The following HSD17B12 variants were observed in gnomAD, a reference collection of about 807,000 sequenced individuals.
The protein encoded by HSD17B12 is hydroxysteroid 17-beta dehydrogenase 12.
Under a neutral mutation model 39.3 loss-of-function variants are expected in HSD17B12, and 32 were observed. The observed-to-expected ratio is 0.81, with a 90% CI of 0.61 to 1.09. The LOEUF is 1.09. HSD17B12 is among the 50% of genes least tolerant of loss of function. The pLI, the probability that HSD17B12 is intolerant of heterozygous loss-of-function variation, is 0.00. For missense variants in HSD17B12, 342 were observed against 382.9 expected (o/e 0.89, Z 0.89); for synonymous variants, 150 against 146.7 (o/e 1.02, Z -0.16).
At chr11:43,727,738 CACA>C (rs750227430) in intron 1 of HSD17B12, among the ~76,000 whole-genome samples, 45 of 152,230 alleles carry the variant, frequency 3.0e-4, no homozygotes, top group Admixed American at 5.2e-4. Context: ...AGGAAAAAAA[CACA>C]ACAATTCACC....
chr11:43,759,102 C>G (rs540675002), intron 3 of HSD17B12, among the ~76,000 whole-genome samples: 76 of 152,240 alleles, frequency 5.0e-4, no homozygotes, highest in Middle Eastern at 3.4e-3. Flanking sequence ...TTGAACTCAT[C>G]GTTCTTACTT....
At chr11:43,754,258 A>G in intron 3 of HSD17B12, 137 bp downstream of exon 3, 1 of 641,604 alleles carries the variant, frequency 1.6e-6, no homozygotes. Flanking sequence ...ATGAAAAAGC[A>G]CAGGATGCTT....
the HSD17B12 span, among the ~76,000 whole-genome samples, chr11:43,655,592 T>C: frequency 1.3e-4 from 20 of 152,324 alleles, no homozygotes; most frequent in African/African-American, 4.6e-4. Context: ...CAATACCTAA[T>C]TTATTGAGAG....
At chr11:43,754,838 T>C in intron 3 of HSD17B12, 1 of 760,394 alleles carries the variant, frequency 1.3e-6, no homozygotes, top group Non-Finnish European at 2.4e-6. Flanking sequence ...GCAATACCCA[T>C]GTGACAGGGA....
chr11:43,690,402 ATATT>A (rs1445951249), intron 1 of HSD17B12, among the ~76,000 whole-genome samples: 2 of 26,218 alleles, frequency 7.6e-5, no homozygotes, highest in Non-Finnish European at 1.2e-4. Context: ...ATATATATAT[ATATT>A]TTTTTTTTTT....
chr11:43,603,532 AC>A, the HSD17B12 span, among the ~76,000 whole-genome samples: 1 of 152,222 alleles, frequency 6.6e-6, no homozygotes, highest in Non-Finnish European at 1.5e-5. Context: ...GCAGAAGGAG[AC>A]ATGTATGTGC....
At chr11:43,742,139 A>ATATATATTT (rs61178234) in intron 1 of HSD17B12, among the ~76,000 whole-genome samples, 7 of 123,488 alleles carry the variant, frequency 5.7e-5, no homozygotes, top group African/African-American at 1.2e-4. Flanking sequence ...ATATATATAT[A>ATATATATTT]TTTTTTTTTT....
the HSD17B12 span, among the ~76,000 whole-genome samples, chr11:43,643,890 T>A: frequency 6.6e-6 from 1 of 152,160 alleles, no homozygotes; most frequent in African/African-American, 2.4e-5. Flanking sequence ...AAGGGGAAGA[T>A]TAATTGAAGT....
the HSD17B12 span, among the ~76,000 whole-genome samples, chr11:43,646,775 C>A: frequency 6.6e-6 from 1 of 152,256 alleles, no homozygotes; most frequent in East Asian, 1.9e-4. Context: ...GGTATTTAAT[C>A]ATTTATTTGG....
the HSD17B12 span, among the ~76,000 whole-genome samples, chr11:43,560,993 C>G: frequency 6.6e-6 from 1 of 152,206 alleles, no homozygotes; most frequent in Non-Finnish European, 1.5e-5. Context: ...AAGTCCCACT[C>G]TGTGAAAATC....
intron 9 of HSD17B12, among the ~76,000 whole-genome samples, chr11:43,845,463 C>T (rs1326196575): frequency 3.3e-5 from 3 of 89,882 alleles, no homozygotes; most frequent in Non-Finnish European, 8.6e-5. Context: ...ATTTAGTTGT[C>T]CTGTCTCTTT....
chr11:43,560,247 C>G, the HSD17B12 span, among the ~76,000 whole-genome samples: 1 of 152,130 alleles, frequency 6.6e-6, no homozygotes, highest in African/African-American at 2.4e-5. Flanking sequence ...GAGATGCTGA[C>G]AAAATGAACT....
chr11:43,799,508 GA>G (rs1379057145), intron 4 of HSD17B12, among the ~76,000 whole-genome samples: 6 of 151,572 alleles, frequency 4.0e-5, no homozygotes, highest in African/African-American at 1.2e-4. Context: ...AATTGTATAG[GA>G]AAAAAAATGG....
At position 43,815,486 on chromosome 11, in the gene HSD17B12, T is replaced by G; in HGVS notation, c.441T>G (p.Val147=). ...SYEYPEYFLD[V]PDLDNVIKKM... ...AGTATCCTGAATACTTTTTGGATGT[T>G]CCTGACTTGGACAATGTAAGTCTTT... Residue 147 remains valine (V), a synonymous_variant, in exon 5 of 11, where the codon GTT becomes GTG. Transcript: ENST00000278353. 1 of 1,576,276 alleles carries G rather than the reference T, an allele frequency of 6.3e-7. No homozygotes were observed. The highest frequency in any genetic ancestry group is 8.7e-7 in the Non-Finnish European group (1 of 1,153,570).
chr11:43,583,886 C>T, the HSD17B12 span, among the ~76,000 whole-genome samples: 1 of 152,054 alleles, frequency 6.6e-6, no homozygotes, highest in Non-Finnish European at 1.5e-5. Context: ...GAGAAGTGTT[C>T]GGAAGGCAGC....
At chr11:43,708,934 A>G (rs969101791) in intron 1 of HSD17B12, among the ~76,000 whole-genome samples, 7 of 152,254 alleles carry the variant, frequency 4.6e-5, no homozygotes, top group African/African-American at 1.7e-4. Flanking sequence ...AGAACAGACC[A>G]AATGAGATTT....
At chr11:43,650,930 ATC>A in the HSD17B12 span, among the ~76,000 whole-genome samples, 2 of 152,228 alleles carry the variant, frequency 1.3e-5, no homozygotes, top group Non-Finnish European at 2.9e-5. Flanking sequence ...CTTAGTAGCT[ATC>A]TCAGTTGGAT....
At chr11:43,783,641 A>G (rs1040712974) in intron 3 of HSD17B12, among the ~76,000 whole-genome samples, 2 of 150,274 alleles carry the variant, frequency 1.3e-5, no homozygotes, top group Non-Finnish European at 3.0e-5. Context: ...TCATTGTTCA[A>G]CTCCCACTTA....
chr11:43,695,460 C>G (rs1949902462), intron 1 of HSD17B12, among the ~76,000 whole-genome samples: 1 of 152,116 alleles, frequency 6.6e-6, no homozygotes, highest in African/African-American at 2.4e-5. Context: ...CGCCTGTAAT[C>G]CCAGCTACTT....
Sources: allele counts gnomAD v4.1 joint callset (sites outside exome capture counted in the v4.1 genomes callset), GRCh38; gene constraint gnomAD v4.1.1; transcripts MANE v1.5; gene names NCBI Gene and HGNC (gene_info 2026-07-23, HGNC 2026-07-21).